GNAL: variants seen among roughly 807,000 people sequenced by gnomAD.
The protein encoded by GNAL is G protein subunit alpha L, also known as guanine nucleotide-binding protein G(olf) subunit alpha.
GNAL carries 18 observed loss-of-function variants against 55.1 expected under a neutral mutation model. The ratio of observed to expected loss-of-function variants is 0.33; its 90% CI spans 0.23 to 0.48. GNAL has a LOEUF of 0.48. GNAL is among the 20% of genes least tolerant of loss of function. GNAL has a pLI of 0.99. For missense variants in GNAL, 412 were observed against 614.1 expected (o/e 0.67, Z 3.48); for synonymous variants, 253 against 237.0 (o/e 1.07, Z -0.62).
In GNAL at chr18:11,788,914, A is replaced by AAAATATAT. The variant is rs60071996; in HGVS notation, c.624+34970_624+34971insAATATATA. ...TCCGTCTCGAAAAAAAAAAAAAAAAAATATATATATATATATATATATACA... is the reference window on the plus strand; with the variant it reads ...TCCGTCTCGAAAAAAAAAAAAAAAAAAAATATATATATATATATATATATATATATACA... On this transcript the variant is annotated intron_variant, in intron 4 of 11. Coordinates refer to ENST00000334049, the MANE Select transcript of GNAL (RefSeq NM_182978.4). Among the ~76,000 whole-genome samples, 188 of 56,274 alleles carry AAAATATAT rather than the reference A, an allele frequency of 3.3e-3. 6 individuals carry two copies. Among genetic ancestry groups the AAAATATAT allele is most frequent in the African/African-American group, 0.017 (173 of 10,004 alleles). 36.9% of individuals were successfully genotyped at this position (56,274 alleles called of 152,430 possible).
intron 1 of GNAL, among the ~76,000 whole-genome samples, chr18:11,734,148 C>CTTTTT (rs545091797): frequency 1.5e-5 from 2 of 137,192 alleles, no homozygotes; most frequent in Non-Finnish European, 3.2e-5. Context: ...TTTTCTTTTT[C>CTTTTT]TTTTTTTTTT....
chr18:11,774,239 C>G (rs1035586677), intron 4 of GNAL, among the ~76,000 whole-genome samples: 3 of 152,182 alleles, frequency 2.0e-5, no homozygotes, highest in African/African-American at 4.8e-5. Flanking sequence ...GAAGAACAAG[C>G]CTGGCTCTGA....
chr18:11,861,867 C>T (rs1361683082), intron 5 of GNAL, among the ~76,000 whole-genome samples: 1 of 152,038 alleles, frequency 6.6e-6, no homozygotes, highest in Non-Finnish European at 1.5e-5. Flanking sequence ...TCCGCACATA[C>T]TCTCACACTC....
chr18:11,690,203 C>T (rs373623408), intron 1 of GNAL, among the ~76,000 whole-genome samples: 1 of 152,140 alleles, frequency 6.6e-6, no homozygotes, highest in Non-Finnish European at 1.5e-5. Context: ...TACTGCCGCT[C>T]GCTCTCTCTA....
At chr18:11,810,996 C>G (rs1379651061) in intron 4 of GNAL, 1 of 152,304 alleles carries the variant, frequency 6.6e-6, no homozygotes, top group Non-Finnish European at 1.5e-5. Context: ...GCCCCCTTCT[C>G]TCTTCTGCAC....
intron 4 of GNAL, among the ~76,000 whole-genome samples, chr18:11,824,234 A>G (rs889056510): frequency 1.4e-5 from 2 of 141,508 alleles, no homozygotes; most frequent in Non-Finnish European, 3.0e-5. Flanking sequence ...TTGTCCTTAT[A>G]ATATGCATGT....
At chr18:11,846,346 A>C (rs952667939) in intron 5 of GNAL, among the ~76,000 whole-genome samples, 1 of 151,764 alleles carries the variant, frequency 6.6e-6, no homozygotes, top group African/African-American at 2.4e-5. Flanking sequence ...TTCTGTTTAC[A>C]TGCTGCTGTT....
Position 11,741,897 on chromosome 18 carries a change from C to T in GNAL, c.377-10956C>T, listed in dbSNP as rs140362235. Among the ~76,000 whole-genome samples, 251 of 152,268 alleles carry T rather than the reference C, an allele frequency of 1.6e-3. 2 individuals carry two copies. Among genetic ancestry groups the T allele is most frequent in the African/African-American group, 5.9e-3 (247 of 41,558 alleles). On this transcript the variant is annotated intron_variant, in intron 1 of 11. Coordinates refer to ENST00000334049, the MANE Select transcript of GNAL (RefSeq NM_182978.4). ...GCAATATAAAATGTACCATTTAAAT[C>T]ATTTTTAAGAGTACAGCGCAGTAGC...
chr18:11,780,327 C>A (rs1040679068), intron 4 of GNAL, among the ~76,000 whole-genome samples: 2 of 151,468 alleles, frequency 1.3e-5, no homozygotes, highest in African/African-American at 4.9e-5. Flanking sequence ...CACGTAAGAC[C>A]TTTTTCGGAG....
At chr18:11,802,820 T>C (rs910006068) in intron 4 of GNAL, among the ~76,000 whole-genome samples, 5 of 152,074 alleles carry the variant, frequency 3.3e-5, no homozygotes, top group Non-Finnish European at 5.9e-5. Context: ...TCTCCGGGGC[T>C]GCGGAGGATG....
Position 11,723,645 on chromosome 18 carries a change from T to C in GNAL, c.377-29208T>C, listed in dbSNP as rs1473739761. Among the ~76,000 whole-genome samples, 4 of 152,232 alleles carry C rather than the reference T, an allele frequency of 2.6e-5. No individual in the cohort carries two copies. In the East Asian group the frequency reaches 7.7e-4, roughly 29 times the overall value. On this transcript the variant is annotated intron_variant, in intron 1 of 11. Transcript: ENST00000334049. ...GTGTCATCCAGGCACCCTGAAGTGCTCCAGCCCTTTGCATTAATACCCCAG... is the reference window on the plus strand; with the variant it reads ...GTGTCATCCAGGCACCCTGAAGTGCCCCAGCCCTTTGCATTAATACCCCAG...
chr18:11,875,203 G>C (rs1009975787), intron 10 of GNAL, among the ~76,000 whole-genome samples: 5 of 152,150 alleles, frequency 3.3e-5, no homozygotes, highest in East Asian at 3.9e-4. Context: ...GGCCCTGCCA[G>C]TGCTGCCCCC....
intron 1 of GNAL, among the ~76,000 whole-genome samples, chr18:11,724,902 T>C (rs2032178962): frequency 6.6e-6 from 1 of 152,160 alleles, no homozygotes; most frequent in South Asian, 2.1e-4. Flanking sequence ...TCCTAGAGAC[T>C]TGTGCTGCAG....
chr18:11,748,234 A>T (rs1288945570), intron 1 of GNAL, among the ~76,000 whole-genome samples: 1 of 152,166 alleles, frequency 6.6e-6, no homozygotes, highest in Non-Finnish European at 1.5e-5. Context: ...AAGTGCTTTT[A>T]TGTTTTAGAG....
chr18:11,690,074 C>T (rs369596453), intron 1 of GNAL, 135 bp downstream of exon 1: 1 of 434,728 alleles, frequency 2.3e-6, no homozygotes. Context: ...GGGACTGGAC[C>T]CGGACGGGCG....
At position 11,689,897 on chromosome 18, in the gene GNAL, C is replaced by A. The variant is rs757231903; in HGVS notation, c.334C>A (p.Gln112Lys). The A allele has an allele frequency of 1.2e-5, 18 of 1,478,220 alleles. No homozygotes were observed. In the Admixed American group the frequency reaches 4.0e-4, roughly 33 times the overall value. The allele number at this position is 1,478,220 out of a possible 1,614,324, so 91.6% of individuals were successfully genotyped here. ...SRGIDRMLRDQKRDLQQTHRL... is the reference protein window; with the variant it reads ...SRGIDRMLRDKKRDLQQTHRL... Reference sequence around the variant, plus strand: ...GGGCATCGACCGCATGCTGCGCGACCAGAAGCGCGACCTGCAGCAGACGCA... The same window carrying A: ...GGGCATCGACCGCATGCTGCGCGACAAGAAGCGCGACCTGCAGCAGACGCA... Residue 112 changes from glutamine to lysine, a missense_variant, in exon 1 of 12, where the codon CAG (glutamine) becomes AAG (lysine). Physicochemically the swap from Gln to Lys is moderately conservative, Grantham distance 53. Coordinates refer to ENST00000334049, the MANE Select transcript of GNAL (RefSeq NM_182978.4).
intron 1 of GNAL, among the ~76,000 whole-genome samples, chr18:11,692,235 A>G (rs1191218267): frequency 1.3e-5 from 2 of 152,216 alleles, no homozygotes; most frequent in African/African-American, 2.4e-5. Context: ...CTAGAATACA[A>G]TAAATATTGA....
At position 11,873,153 on chromosome 18, in the gene GNAL, C is replaced by T. The variant is rs139458909; in HGVS notation, c.1162+755C>T. 4.9e-4 allele frequency among the ~76,000 whole-genome samples: 75 copies of T among 152,340 alleles called. No homozygotes were observed. In the East Asian group the frequency reaches 5.2e-3, roughly 11 times the overall value. On this transcript the variant is annotated intron_variant, in intron 10 of 11. Coordinates refer to ENST00000334049, the MANE Select transcript of GNAL (RefSeq NM_182978.4). ...GGAGTGATTTAAGGTGAAATAACAC[C>T]GCTTCTTACATCTTGAATTCCAAAC...
intron 5 of GNAL, among the ~76,000 whole-genome samples, chr18:11,844,249 CA>C (rs1330901124): frequency 6.6e-6 from 1 of 152,136 alleles, no homozygotes; most frequent in East Asian, 1.9e-4. Flanking sequence ...GCCTGGCCAA[CA>C]CAGTGAAACC....
Sources: allele counts gnomAD v4.1 joint callset (sites outside exome capture counted in the v4.1 genomes callset), GRCh38; gene constraint gnomAD v4.1.1; transcripts MANE v1.5; gene names NCBI Gene and HGNC (gene_info 2026-07-23, HGNC 2026-07-21).